ZNF444: variants seen among roughly 807,000 people sequenced by gnomAD.
ZNF444 encodes the protein endothelial zinc finger protein 2.
A neutral mutation model predicts 14.4 loss-of-function variants in ZNF444; 8 were observed. That is an observed-to-expected ratio of 0.56 (90% confidence interval 0.33 to 1.00). The LOEUF (loss-of-function observed/expected upper bound fraction) is 1.00, where lower values mean the gene tolerates loss of function less well. Among genes scored for constraint, ZNF444 ranks in the 50% least tolerant of loss-of-function variants. The pLI is 0.03. For missense variants in ZNF444, 510 were observed against 504.8 expected (o/e 1.01, Z -0.10); for synonymous variants, 258 against 235.9 (o/e 1.09, Z -0.86).
Position 56,147,753 on chromosome 19 carries a change from C to CG in ZNF444, c.297+549dup, listed in dbSNP as rs372221881. Among the ~76,000 whole-genome samples the CG allele has an allele frequency of 5.3e-3, 808 of 152,162 alleles. 8 individuals carry two copies. The highest frequency in any genetic ancestry group is 0.018 in the African/African-American group (759 of 41,508). ...TGCTTTTGGGCTGGCCTGAGTCCCC[C>CG]GGGGCAGGCAGACCCTCCTTATCAT... is the stretch of plus-strand genomic sequence containing the variant. On this transcript the variant is annotated intron_variant, in intron 3 of 4. Coordinates refer to ENST00000337080, the MANE Select transcript of ZNF444 (RefSeq NM_018337.4). This position sits in a 1 kb window ranked among gnomAD's most constrained non-coding sequence, Gnocchi z 5.9.
Position 56,147,307 on chromosome 19 carries a change from C to G in ZNF444, c.297+99C>G, listed in dbSNP as rs1421134075. On this transcript the variant is annotated intron_variant, in intron 3 of 4. Transcript: ENST00000337080. This position sits in a 1 kb window ranked among gnomAD's most constrained non-coding sequence, Gnocchi z 5.9. ...GGAGCACCACTGAACCCCTGAAAAC[C>G]AGTGTGACTCGCGGTGGGGAGGCTG... The G allele has an allele frequency of 1.5e-5, 20 of 1,312,468 alleles. No individual in the cohort carries two copies. The highest frequency in any genetic ancestry group is 7.2e-5 in the Admixed American group (2 of 27,672). 81.3% of individuals were successfully genotyped at this position (1,312,468 alleles called of 1,614,324 possible).
At chr19:56,138,792 C>CTTTTTT (rs59273024), upstream of ZNF444, among the ~76,000 whole-genome samples, 65 of 92,864 alleles carry the variant, frequency 7.0e-4, 9 homozygotes, top group Non-Finnish European at 8.6e-4. Context: ...CTTGAATGTA[C>CTTTTTT]TTTTTTTTTT....
At chr19:56,157,798 C>T (rs1361998466) in intron 3 of ZNF444, 1 of 152,192 alleles carries the variant, frequency 6.6e-6, no homozygotes, top group Non-Finnish European at 1.5e-5. Context: ...TGGTGCGTGA[C>T]TTAGCTGTCA....
chr19:56,146,782 G>A (rs1380680060), intron 2 of ZNF444, 108 bp from the exon 3 acceptor site: 8 of 922,564 alleles, frequency 8.7e-6, no homozygotes, highest in Non-Finnish European at 1.1e-5. Flanking sequence ...GCGAAACTCC[G>A]TCTCAAAAAA....
At chr19:56,132,840 G>A (rs1382658762) in intron 1 of ZNF444, 1 of 152,014 alleles carries the variant, frequency 6.6e-6, no homozygotes, top group Non-Finnish European at 1.5e-5. Flanking sequence ...ATCTAAGGAA[G>A]AGGATATATC....
chr19:56,153,799 C>T (rs537380246), intron 3 of ZNF444, among the ~76,000 whole-genome samples: 15 of 152,256 alleles, frequency 9.9e-5, no homozygotes, highest in Admixed American at 2.0e-4. Context: ...AGTCAGCCTG[C>T]GTCTCAGGTC....
At chr19:56,137,564 C>A (rs2030640348), upstream of ZNF444, among the ~76,000 whole-genome samples, 1 of 152,128 alleles carries the variant, frequency 6.6e-6, no homozygotes, top group South Asian at 2.1e-4. Flanking sequence ...CTGTGTGAAC[C>A]CTGTATATGA....
upstream of ZNF444, among the ~76,000 whole-genome samples, chr19:56,137,211 C>T (rs2030632517): frequency 6.6e-6 from 1 of 151,672 alleles, no homozygotes; most frequent in South Asian, 2.1e-4. Context: ...TGGCTCACGC[C>T]TGTCATCCCA....
chr19:56,145,345 G>A lies in ZNF444; in HGVS notation c.-196-902G>A, dbSNP rs920305308. Among the ~76,000 whole-genome samples, 4 of 152,206 alleles carry A rather than the reference G, an allele frequency of 2.6e-5. No individual in the cohort carries two copies. Among genetic ancestry groups the A allele is most frequent in the Middle Eastern group, 3.2e-3 (1 of 316 alleles). ...TCATGCCGGTAATCCCAGCACTTTC[G>A]GAGGCCAAGGCAGGTGGATCACCTG... On this transcript the variant is annotated intron_variant, in intron 1 of 4. Coordinates refer to ENST00000337080, the MANE Select transcript of ZNF444 (RefSeq NM_018337.4). This position sits in a 1 kb window ranked among gnomAD's most constrained non-coding sequence, Gnocchi z 4.3.
chr19:56,146,990 C>T lies in ZNF444; in HGVS notation c.79C>T (p.His27Tyr). 6.9e-7 allele frequency: 1 copy of T among 1,442,534 alleles called. No homozygotes were observed. Among genetic ancestry groups the T allele is most frequent in the Non-Finnish European group, 9.0e-7 (1 of 1,106,838 alleles). 89.4% of individuals were successfully genotyped at this position (1,442,534 alleles called of 1,614,324 possible). A position where few individuals can be genotyped will look rare whatever the true frequency, so the allele number is the denominator to read the frequency against. ...DSPWHRFRRF[H>Y]LGDAPGPREA... ...CCCGTGGCACCGCTTCCGCCGCTTCCACCTGGGCGACGCGCCGGGCCCGCG... is the reference window on the plus strand; with the variant it reads ...CCCGTGGCACCGCTTCCGCCGCTTCTACCTGGGCGACGCGCCGGGCCCGCG... Residue 27 changes from histidine to tyrosine, a missense_variant, in exon 3 of 5, where the codon CAC (histidine) becomes TAC (tyrosine). By Grantham distance (83) the His-to-Tyr change is moderately conservative (BLOSUM62 2). Transcript: ENST00000337080.
chr19:56,139,017 G>A (rs989902939), upstream of ZNF444, among the ~76,000 whole-genome samples: 2 of 151,736 alleles, frequency 1.3e-5, no homozygotes, highest in African/African-American at 4.8e-5. Context: ...GGGTGGTCTC[G>A]AACTCCTAAC....
intron 1 of ZNF444, among the ~76,000 whole-genome samples, chr19:56,136,233 GCT>G (rs2030608577): frequency 1.3e-5 from 2 of 152,036 alleles, no homozygotes; most frequent in South Asian, 4.2e-4. Flanking sequence ...AGATCCCCAG[GCT>G]CTCTCGGCTG....
chr19:56,158,549 C>G lies in ZNF444; in HGVS notation c.353C>G (p.Thr118Arg). Residue 118 changes from threonine (T) to arginine (R), a missense_variant, in exon 4 of 5, where the codon ACG becomes AGG. Transcript: ENST00000337080. Reference protein sequence around the residue: ...SSATRVPQDVTQGPGATGGKE... With the variant: ...SSATRVPQDVRQGPGATGGKE... ...GCAACGAGGGTGCCTCAGGATGTGACGCAGGGCCCTGGGGCCACAGGTGGA... is the reference window on the plus strand; with the variant it reads ...GCAACGAGGGTGCCTCAGGATGTGAGGCAGGGCCCTGGGGCCACAGGTGGA... 1 of 1,612,026 alleles carries G rather than the reference C, an allele frequency of 6.2e-7. No homozygotes were observed. Among genetic ancestry groups the G allele is most frequent in the Non-Finnish European group, 8.5e-7 (1 of 1,179,026 alleles).
At chr19:56,146,171 A>C (rs2031168705) in intron 1 of ZNF444, 76 bp from the exon 2 acceptor site, 1 of 152,542 alleles carries the variant, frequency 6.6e-6, no homozygotes, top group Non-Finnish European at 1.5e-5. Context: ...AAGTCCAGTG[A>C]GGGTGGTGCT....
At chr19:56,137,083 G>A (rs1017065050), upstream of ZNF444, among the ~76,000 whole-genome samples, 4 of 151,000 alleles carry the variant, frequency 2.6e-5, no homozygotes, top group East Asian at 6.0e-4. Flanking sequence ...GTGCCCAGCC[G>A]AGAATCTGCA....
At chr19:56,157,024 C>T (rs888885615) in intron 3 of ZNF444, 3 of 152,300 alleles carry the variant, frequency 2.0e-5, no homozygotes. Flanking sequence ...TGTGTCAACC[C>T]CGGTGCCCTT....
intron 3 of ZNF444, chr19:56,150,612 T>C (rs770554859): frequency 2.2e-6 from 1 of 450,954 alleles, no homozygotes; most frequent in Admixed American, 2.4e-5. Flanking sequence ...GCTTTCCATT[T>C]CCAGCAATGA....
rs903434774 is a variant in ZNF444 at position 56,160,523 on chromosome 19, C to T, written c.*322C>T. On this transcript the variant is annotated 3_prime_UTR_variant, in exon 5 of 5. Transcript: ENST00000337080. Reference sequence around the variant, plus strand: ...TCTCCTGCGGCCCAGCCTCCCTCTCCCTCCTCCATTCCTCTCTCCCTGCCC... The same window carrying T: ...TCTCCTGCGGCCCAGCCTCCCTCTCTCTCCTCCATTCCTCTCTCCCTGCCC... 2.9e-6 allele frequency: 1 copy of T among 340,620 alleles called. No individual in the cohort carries two copies. 21.1% of individuals were successfully genotyped at this position (340,620 alleles called of 1,614,324 possible). A position where few individuals can be genotyped will look rare whatever the true frequency, so the allele number is the denominator to read the frequency against.
At position 56,160,147 on chromosome 19, in the gene ZNF444, G is replaced by C; in HGVS notation, c.930G>C (p.Ala310=). 2.0e-6 allele frequency: 3 copies of C among 1,483,172 alleles called. No homozygotes were observed. Among genetic ancestry groups the C allele is most frequent in the Non-Finnish European group, 2.7e-6 (3 of 1,125,574 alleles). The allele number at this position is 1,483,172 out of a possible 1,614,324, so 91.9% of individuals were successfully genotyped here. A position where few individuals can be genotyped will look rare whatever the true frequency, so the allele number is the denominator to read the frequency against. ...GGGCAGCGGCCAGCGCGCAGGGGGCGGTAGCTCCGGGCCCGGATGGTGGAG... is the reference window on the plus strand; with the variant it reads ...GGGCAGCGGCCAGCGCGCAGGGGGCCGTAGCTCCGGGCCCGGATGGTGGAG... ...HGRAAASAQG[A]VAPGPDGGGP... The change falls in exon 5 of 5, where the codon GCG becomes GCC. Residue 310 remains alanine, a synonymous_variant. Coordinates refer to ENST00000337080, the MANE Select transcript of ZNF444 (RefSeq NM_018337.4).
Sources: gnomAD v4.1 joint callset for allele counts (sites outside exome capture counted in the v4.1 genomes callset) on GRCh38, gnomAD v4.1.1 for gene constraint, Gnocchi (gnomAD v3.1) non-coding constraint, MANE v1.5 for transcripts, NCBI Gene and HGNC (gene_info 2026-07-23, HGNC 2026-07-21) for gene names.